The following KIAA1549L variants were observed in gnomAD, a reference collection of about 807,000 sequenced individuals.
KIAA1549L encodes the protein KIAA1549 like, also known as UPF0606 protein KIAA1549L.
In KIAA1549L, 88 loss-of-function variants were observed where a neutral mutation model predicts 160.7. That is an observed-to-expected ratio of 0.55 (90% CI 0.46 to 0.65). The LOEUF (loss-of-function observed/expected upper bound fraction) is 0.65. Among genes scored for constraint, KIAA1549L ranks in the 30% least tolerant of loss-of-function variants. The pLI is 0.00. For synonymous variants in KIAA1549L, 950 were observed against 976.7 expected, an observed-to-expected ratio of 0.97 and a Z score of 0.51; for missense variants, 2,258 against 2,437.5, an observed-to-expected ratio of 0.93 and a Z score of 1.55.
intron 1 of KIAA1549L, among the ~76,000 whole-genome samples, chr11:33,491,429 T>C (rs901098720): frequency 7.9e-5 from 12 of 152,262 alleles, no homozygotes; most frequent in African/African-American, 2.6e-4. Context: ...AGAAGGGGCT[T>C]ATGTACACAA....
At chr11:33,611,236 CCT>C (rs1554922213) in intron 15 of KIAA1549L, among the ~76,000 whole-genome samples, 1 of 152,194 alleles carries the variant, frequency 6.6e-6, no homozygotes, top group East Asian at 1.9e-4. Context: ...TGGTGACTTC[CCT>C]CTGGCCTTGA....
intron 14 of KIAA1549L, 103 bp downstream of exon 14, chr11:33,606,925 G>A: frequency 2.1e-6 from 2 of 951,980 alleles, no homozygotes; most frequent in Non-Finnish European, 3.1e-6. Flanking sequence ...TGCACCTAGG[G>A]CCGTATAGGT....
chr11:33,598,862 A>G lies in KIAA1549L; in HGVS notation c.4794A>G (p.Ser1598=), dbSNP rs202098905. 1,546 of 1,613,952 alleles carry G rather than the reference A, an allele frequency of 9.6e-4. 4 individuals are homozygous for G. The highest frequency in any genetic ancestry group is 9.9e-4 in the Middle Eastern group (6 of 6,058). ...ATGGCTCTGTCATCAGCAACGAATC[A>G]GGGAAGCCCAGCTCAGGGAGACGCT... ...SENGSVISNE[S]GKPSSGRRSP... is the part of the protein sequence containing the mutation. The change falls in exon 13 of 21, where the codon TCA becomes TCG. Residue 1598 remains serine, a synonymous_variant. Coordinates refer to ENST00000658780, the MANE Select transcript of KIAA1549L (RefSeq NM_012194.3).
At chr11:33,431,909 C>T (rs551987020) in intron 1 of KIAA1549L, among the ~76,000 whole-genome samples, 21 of 152,346 alleles carry the variant, frequency 1.4e-4, no homozygotes, top group South Asian at 6.2e-4. Context: ...AGCTAAGGCC[C>T]GACGAGAAAT....
chr11:33,535,298 A>G (rs1038962573), intron 1 of KIAA1549L, among the ~76,000 whole-genome samples: 15 of 152,170 alleles, frequency 9.9e-5, no homozygotes, highest in Non-Finnish European at 1.9e-4. Flanking sequence ...ACCAAGAAGA[A>G]GTCTGCTTGC....
In KIAA1549L at chr11:33,671,927, T is replaced by C. The variant is rs1280635022; in HGVS notation, c.*3773T>C. ...AATACTCTTAAGGAAAGAGTGTCAT[T>C]TAGCTTGGAGTAGGGACTGACTGGG... On this transcript the variant is annotated 3_prime_UTR_variant, in exon 21 of 21. Transcript: ENST00000658780. 6.6e-6 allele frequency: 1 copy of C among 151,896 alleles called. No homozygotes were observed. The highest frequency in any genetic ancestry group is 6.5e-5 in the Admixed American group (1 of 15,272). 9.4% of individuals were successfully genotyped at this position (151,896 alleles called of 1,614,324 possible). A position where few individuals can be genotyped will look rare whatever the true frequency, so the allele number is the denominator to read the frequency against.
At chr11:33,386,827 C>T (rs1413813471) in intron 1 of KIAA1549L, among the ~76,000 whole-genome samples, 1 of 152,080 alleles carries the variant, frequency 6.6e-6, no homozygotes. Flanking sequence ...ATAATAGGGG[C>T]CAGATGCGGT....
At chr11:33,620,906 G>C (rs1469166332) in intron 16 of KIAA1549L, among the ~76,000 whole-genome samples, 1 of 152,074 alleles carries the variant, frequency 6.6e-6, no homozygotes, top group Non-Finnish European at 1.5e-5. Flanking sequence ...CTAAGCTCTT[G>C]ATTTTCTAAA....
At chr11:33,474,909 T>C (rs575784470) in intron 1 of KIAA1549L, among the ~76,000 whole-genome samples, 1 of 152,316 alleles carries the variant, frequency 6.6e-6, no homozygotes, top group Admixed American at 6.5e-5. Context: ...TGTTATAGAC[T>C]TTTTTTGTTA....
chr11:33,380,834 C>T (rs1001403616), intron 1 of KIAA1549L, among the ~76,000 whole-genome samples: 1 of 152,086 alleles, frequency 6.6e-6, no homozygotes, highest in Non-Finnish European at 1.5e-5. Flanking sequence ...TGACCTGGGA[C>T]GTCCTCCTTG....
At chr11:33,546,216 T>G (rs1854256049) in intron 3 of KIAA1549L, among the ~76,000 whole-genome samples, 1 of 152,204 alleles carries the variant, frequency 6.6e-6, no homozygotes, top group Non-Finnish European at 1.5e-5. Flanking sequence ...TTAAATGAAA[T>G]CATATCTTGA....
chr11:33,384,476 T>C (rs1850133107), intron 1 of KIAA1549L, among the ~76,000 whole-genome samples: 1 of 152,200 alleles, frequency 6.6e-6, no homozygotes, highest in Non-Finnish European at 1.5e-5. Context: ...TGCTTGGTCA[T>C]GTGTTAGGGA....
chr11:33,576,077 A>T (rs764189561), intron 10 of KIAA1549L, among the ~76,000 whole-genome samples: 1 of 152,002 alleles, frequency 6.6e-6, no homozygotes, highest in Non-Finnish European at 1.5e-5. Flanking sequence ...AGAGTGGGGG[A>T]AGGGGAAAGG....
At chr11:33,642,317 G>T (rs1851608076) in intron 16 of KIAA1549L, among the ~76,000 whole-genome samples, 1 of 152,044 alleles carries the variant, frequency 6.6e-6, no homozygotes, top group Non-Finnish European at 1.5e-5. Flanking sequence ...CCACCTCAAG[G>T]GTGTTATAAA....
intron 1 of KIAA1549L, among the ~76,000 whole-genome samples, chr11:33,501,170 T>C (rs995336877): frequency 1.2e-4 from 18 of 152,238 alleles, no homozygotes; most frequent in African/African-American, 4.1e-4. Context: ...TGGAAAGGCC[T>C]ATTTGCCTAC....
chr11:33,634,383 G>A (rs1359550878), intron 16 of KIAA1549L, among the ~76,000 whole-genome samples: 1 of 152,136 alleles, frequency 6.6e-6, no homozygotes, highest in Admixed American at 6.5e-5. Context: ...CCAAAGAGAG[G>A]ACTGCATTCC....
At chr11:33,427,349 G>A (rs1377936030) in intron 1 of KIAA1549L, among the ~76,000 whole-genome samples, 1 of 152,072 alleles carries the variant, frequency 6.6e-6, no homozygotes, top group African/African-American at 2.4e-5. Flanking sequence ...TGATCCCTTT[G>A]TGGGAGACAA....
At chr11:33,445,724 C>T (rs1218030584) in intron 1 of KIAA1549L, among the ~76,000 whole-genome samples, 2 of 152,138 alleles carry the variant, frequency 1.3e-5, no homozygotes, top group African/African-American at 4.8e-5. Flanking sequence ...TCATTGTCAG[C>T]GTGGGGACAG....
chr11:33,611,562 C>T (rs972277079), intron 15 of KIAA1549L, among the ~76,000 whole-genome samples: 23 of 152,114 alleles, frequency 1.5e-4, no homozygotes, highest in Non-Finnish European at 1.0e-4. Context: ...GTTCACAATG[C>T]ATGTGTCACT....
Sources: allele counts gnomAD v4.1 joint callset (sites outside exome capture counted in the v4.1 genomes callset), GRCh38; gene constraint gnomAD v4.1.1; transcripts MANE v1.5; gene names NCBI Gene and HGNC (gene_info 2026-07-23, HGNC 2026-07-21).